Variants in CD2AP observed in about 807,000 individuals in gnomAD.
CD2AP encodes the protein CD2 associated protein, also known as CD2-associated protein.
In CD2AP, 46 loss-of-function variants were observed where a neutral mutation model predicts 85.1. That is an observed-to-expected ratio of 0.54 (90% CI 0.43 to 0.69). The LOEUF (loss-of-function observed/expected upper bound fraction) is 0.69, where lower values mean the gene tolerates loss of function less well. Among genes scored for constraint, CD2AP ranks in the 30% least tolerant of loss-of-function variants. The probability of loss-of-function intolerance (pLI) is 0.00; values close to 1 mark genes in which losing one functional copy is unlikely to be tolerated. For synonymous variants in CD2AP, 255 were observed against 252.9 expected (o/e 1.01, Z -0.08); for missense variants, 769 against 729.5 (o/e 1.05, Z -0.62).
At chr6:47,484,943 T>C (rs77129793) in intron 1 of CD2AP, among the ~76,000 whole-genome samples, 47 of 152,234 alleles carry the variant, frequency 3.1e-4, no homozygotes, top group African/African-American at 1.1e-3. Flanking sequence ...ATAATGAAGC[T>C]AGAAAATTCC....
rs750357577 is a variant in CD2AP at position 47,609,293 on chromosome 6, A to G, written c.1803A>G (p.Lys601=). 4 of 1,613,042 alleles carry G rather than the reference A, an allele frequency of 2.5e-6. No homozygotes were observed. The highest frequency in any genetic ancestry group is 3.3e-5 in the Admixed American group (2 of 60,002). Residue 601 remains lysine (K), a synonymous_variant, in exon 16 of 18, where the codon AAA becomes AAG. Coordinates refer to ENST00000359314, the MANE Select transcript of CD2AP (RefSeq NM_012120.3). The part of the protein sequence containing the change: ...IELLCIVEAL[K]KDHGKELEKL... ...TGTTGTGCATTGTAGAAGCACTGAA[A>G]AAGGATCACGGGTAAGTAGCCCTTC...
At chr6:47,606,340 T>C (rs1304847131) in intron 14 of CD2AP, 63 bp downstream of exon 14, 28 of 949,654 alleles carry the variant, frequency 2.9e-5, no homozygotes, top group Middle Eastern at 2.1e-4. Context: ...CATTGGAAGA[T>C]AGAGGACTTA....
At chr6:47,592,936 T>C (rs556582986) in intron 11 of CD2AP, among the ~76,000 whole-genome samples, 1 of 152,236 alleles carries the variant, frequency 6.6e-6, no homozygotes, top group East Asian at 1.9e-4. Context: ...CAAGGAGTGA[T>C]CATGGGAATC....
Position 47,614,021 on chromosome 6 carries a change from G to T in CD2AP, c.1878+1485G>T, listed in dbSNP as rs143260443. Among the ~76,000 whole-genome samples, 16 of 152,324 alleles carry T rather than the reference G, an allele frequency of 1.1e-4. No individual in the cohort carries two copies. In the East Asian group the frequency reaches 2.1e-3, roughly 20 times the overall value. ...TCGTCACCTCTGTTGGGCCTTCAAA[G>T]AATTGAAGAGAGTTAGGGCCTCACT... On this transcript the variant is annotated intron_variant, in intron 17 of 17. Coordinates refer to ENST00000359314, the MANE Select transcript of CD2AP (RefSeq NM_012120.3).
intron 14 of CD2AP, 54 bp from the exon 15 acceptor site, chr6:47,607,873 A>T (rs1769316348): frequency 1.7e-6 from 2 of 1,193,608 alleles, no homozygotes; most frequent in South Asian, 2.6e-5. Context: ...AAGACTTACT[A>T]CCTTTTCTTT....
chr6:47,570,507 C>T (rs1768119077), intron 5 of CD2AP, among the ~76,000 whole-genome samples: 1 of 144,542 alleles, frequency 6.9e-6, no homozygotes, highest in Non-Finnish European at 1.5e-5. Flanking sequence ...CCTTTTTCCT[C>T]CTCCTTTTTC....
chr6:47,564,111 G>A (rs1199680577), intron 5 of CD2AP, among the ~76,000 whole-genome samples: 1 of 152,096 alleles, frequency 6.6e-6, no homozygotes, highest in Non-Finnish European at 1.5e-5. Context: ...TCTGAAGTCA[G>A]AACTGATGTT....
At position 47,612,457 on chromosome 6, in the gene CD2AP, A is replaced by C. The variant is rs762866445; in HGVS notation, c.1815-16A>C. 1.3e-6 allele frequency: 2 copies of C among 1,538,852 alleles called. No homozygotes were observed. Among genetic ancestry groups the C allele is most frequent in the Non-Finnish European group, 1.8e-6 (2 of 1,112,596 alleles). On this transcript the variant is annotated splice_polypyrimidine_tract_variant and intron_variant, in intron 16 of 17. Transcript: ENST00000359314. ...TTAATCGAAAGACTTAACAGTAATA[A>C]GTACTTTGTTTTTAGGAAAGAACTG...
intron 1 of CD2AP, among the ~76,000 whole-genome samples, chr6:47,482,778 T>A (rs1765476852): frequency 6.6e-6 from 1 of 152,248 alleles, no homozygotes. Flanking sequence ...TCAAAGTGCT[T>A]CATTTTTATT....
intron 7 of CD2AP, 39 bp from the exon 8 acceptor site, chr6:47,576,970 C>T: frequency 9.8e-7 from 1 of 1,018,662 alleles, no homozygotes; most frequent in Non-Finnish European, 1.6e-6. Flanking sequence ...TGAATGAATC[C>T]ATTTGTGTGA....
chr6:47,565,254 C>A (rs529329622), intron 5 of CD2AP, among the ~76,000 whole-genome samples: 1 of 152,188 alleles, frequency 6.6e-6, no homozygotes, highest in South Asian at 2.1e-4. Flanking sequence ...AGATAAATTT[C>A]TTTTAGTATT....
At chr6:47,591,153 C>G (rs6907011) in intron 11 of CD2AP, among the ~76,000 whole-genome samples, 1 of 151,984 alleles carries the variant, frequency 6.6e-6, no homozygotes, top group Non-Finnish European at 1.5e-5. Flanking sequence ...GAGCTACACA[C>G]AGCAAAATGA....
At chr6:47,602,658 G>A (rs1199352672) in intron 13 of CD2AP, among the ~76,000 whole-genome samples, 1 of 151,568 alleles carries the variant, frequency 6.6e-6, no homozygotes, top group African/African-American at 2.4e-5. Context: ...CTTGCATCCA[G>A]GAGTTAGAGA....
At chr6:47,597,767 G>C (rs1768989968) in intron 12 of CD2AP, among the ~76,000 whole-genome samples, 1 of 138,216 alleles carries the variant, frequency 7.2e-6, no homozygotes, top group Admixed American at 7.1e-5. Context: ...TGGTGCTTTT[G>C]AGTAAGAAGG....
At chr6:47,516,570 CTTTG>C (rs1324767248) in intron 2 of CD2AP, among the ~76,000 whole-genome samples, 2 of 152,098 alleles carry the variant, frequency 1.3e-5, no homozygotes, top group African/African-American at 4.8e-5. Flanking sequence ...GCAATGGATG[CTTTG>C]TTTACTTGAT....
intron 8 of CD2AP, among the ~76,000 whole-genome samples, chr6:47,578,776 C>T (rs897492242): frequency 1.3e-5 from 2 of 151,846 alleles, no homozygotes; most frequent in African/African-American, 2.4e-5. Flanking sequence ...CCTGTCTCAG[C>T]CTCCTGAGTA....
At chr6:47,554,510 G>A (rs1243932115) in intron 4 of CD2AP, 136 bp from the exon 5 acceptor site, 11 of 768,908 alleles carry the variant, frequency 1.4e-5, no homozygotes, top group Non-Finnish European at 2.3e-5. Context: ...TTTCTTCATT[G>A]TGTTTTAAAT....
At chr6:47,533,849 G>A in intron 3 of CD2AP, 94 bp downstream of exon 3, 1 of 1,277,332 alleles carries the variant, frequency 7.8e-7, no homozygotes, top group Non-Finnish European at 1.1e-6. Flanking sequence ...TCAGTCTTTT[G>A]TAGACAACTA....
chr6:47,608,378 C>T (rs886422013), intron 15 of CD2AP, among the ~76,000 whole-genome samples: 3 of 152,092 alleles, frequency 2.0e-5, no homozygotes, highest in Admixed American at 6.6e-5. Flanking sequence ...ATTAAGCATT[C>T]AGTATATACT....
Sources: gnomAD v4.1 joint callset for allele counts (sites outside exome capture counted in the v4.1 genomes callset) on GRCh38, gnomAD v4.1.1 for gene constraint, MANE v1.5 for transcripts, NCBI Gene and HGNC (gene_info 2026-07-23, HGNC 2026-07-21) for gene names.